The following RBPMS variants were observed in gnomAD, a reference collection of about 807,000 sequenced individuals.
RBPMS encodes the protein RNA-binding protein with multiple splicing.
A neutral mutation model predicts 26.8 loss-of-function variants in RBPMS; 7 were observed. The ratio of observed to expected loss-of-function variants is 0.26; its 90% CI spans 0.15 to 0.49. The LOEUF is 0.49. Among genes scored for constraint, RBPMS ranks in the 20% least tolerant of loss-of-function variants. The probability of loss-of-function intolerance (pLI) is 0.98; values close to 1 mark genes in which losing one functional copy is unlikely to be tolerated. For synonymous variants in RBPMS, 96 were observed against 93.3 expected (o/e 1.03, Z -0.17); for missense variants, 186 against 250.0 (o/e 0.74, Z 1.73).
rs535126237 is a variant in RBPMS at position 30,556,851 on chromosome 8, CT to C, written c.529-2034del. The C allele has an allele frequency of 4.5e-5, 39 of 865,696 alleles. No individual in the cohort carries two copies. The African/African-American group carries it at 6.4e-4, about 14-fold the overall frequency. 53.6% of individuals were successfully genotyped at this position (865,696 alleles called of 1,614,324 possible). A position where few individuals can be genotyped will look rare whatever the true frequency, so the allele number is the denominator to read the frequency against. Reference sequence around the variant, plus strand: ...TGCCCTCCCTCTCCTCCCCTAGACTCTTCTGTCCCCTTCCCTGCCCGCCCCT... The same window carrying C: ...TGCCCTCCCTCTCCTCCCCTAGACTCTCTGTCCCCTTCCCTGCCCGCCCCT... On this transcript the variant is annotated intron_variant, in intron 6 of 8. Transcript: ENST00000397323.
intron 1 of RBPMS, among the ~76,000 whole-genome samples, chr8:30,392,567 T>C (rs1438416572): frequency 1.3e-5 from 2 of 152,118 alleles, no homozygotes; most frequent in South Asian, 2.1e-4. Context: ...CAGGGGGATG[T>C]GGCGAATTTT....
chr8:30,437,545 C>G (rs1812606691), intron 1 of RBPMS, among the ~76,000 whole-genome samples: 1 of 151,892 alleles, frequency 6.6e-6, no homozygotes, highest in African/African-American at 2.4e-5. Flanking sequence ...AATCCCAGCA[C>G]TTCGGGAGGC....
At chr8:30,556,104 A>C in intron 6 of RBPMS, 3 of 985,324 alleles carry the variant, frequency 3.0e-6, no homozygotes, top group Non-Finnish European at 3.6e-6. Flanking sequence ...CGGTGAGAAG[A>C]GCCCCCCACT....
intron 1 of RBPMS, among the ~76,000 whole-genome samples, chr8:30,443,501 G>GT (rs1300763658): frequency 6.6e-6 from 1 of 152,162 alleles, no homozygotes; most frequent in Non-Finnish European, 1.5e-5. Context: ...ATCTTGTAGG[G>GT]TTGTGGTAGG....
intron 5 of RBPMS, among the ~76,000 whole-genome samples, chr8:30,508,367 C>G (rs1323608365): frequency 6.6e-6 from 1 of 152,130 alleles, no homozygotes; most frequent in Non-Finnish European, 1.5e-5. Context: ...AGTGATAGAG[C>G]CTAGACTTAA....
In RBPMS at chr8:30,512,255, T is replaced by C. The variant is rs187835085; in HGVS notation, c.397+7819T>C. The stretch of plus-strand genomic sequence containing the variant: ...TTTATTATTTATTTTTGTTTACTTA[T>C]TTGTTTGTGTATGCTTTTTTGTTTT... On this transcript the variant is annotated intron_variant, in intron 5 of 8. Coordinates refer to ENST00000397323, the MANE Select transcript of RBPMS (RefSeq NM_001008710.3). Among the ~76,000 whole-genome samples the C allele has an allele frequency of 9.7e-4, 148 of 152,222 alleles. 1 individual carries two copies. Among genetic ancestry groups the C allele is most frequent in the Admixed American group, 2.5e-3 (38 of 15,292 alleles).
At chr8:30,437,481 T>TC (rs1238199165) in intron 1 of RBPMS, among the ~76,000 whole-genome samples, 2 of 149,950 alleles carry the variant, frequency 1.3e-5, no homozygotes, top group Admixed American at 1.3e-4. Context: ...ATGGTAAAAC[T>TC]CCATCTCTAC....
chr8:30,434,095 T>C (rs1202356310), intron 1 of RBPMS, among the ~76,000 whole-genome samples: 2 of 148,790 alleles, frequency 1.3e-5, no homozygotes, highest in Admixed American at 1.3e-4. Context: ...CCAGCCTGGG[T>C]AACAGAGCGA....
At chr8:30,512,955 G>A (rs1821876188) in intron 5 of RBPMS, among the ~76,000 whole-genome samples, 2 of 152,136 alleles carry the variant, frequency 1.3e-5, no homozygotes, top group African/African-American at 4.8e-5. Flanking sequence ...AAATGCTACT[G>A]GGTGGGTAGA....
chr8:30,547,166 C>A, intron 6 of RBPMS: 1 of 703,770 alleles, frequency 1.4e-6, no homozygotes, highest in Non-Finnish European at 2.4e-6. Flanking sequence ...GGGCATCTCC[C>A]CATATTGGAG....
chr8:30,489,194 A>C (rs1819111241), intron 4 of RBPMS, among the ~76,000 whole-genome samples: 1 of 151,752 alleles, frequency 6.6e-6, no homozygotes, highest in Non-Finnish European at 1.5e-5. Flanking sequence ...CCACAGACAC[A>C]TGCCACCAGG....
intron 4 of RBPMS, among the ~76,000 whole-genome samples, chr8:30,494,037 G>A (rs1246520884): frequency 6.6e-6 from 1 of 152,162 alleles, no homozygotes; most frequent in East Asian, 1.9e-4. Flanking sequence ...AGATACCTTC[G>A]AAGTATATCT....
In RBPMS at chr8:30,433,705, A is replaced by G. The variant is rs1812168598; in HGVS notation, c.67-41074A>G. Among the ~76,000 whole-genome samples, 2 of 152,092 alleles carry G rather than the reference A, an allele frequency of 1.3e-5. 1 individual carries two copies. Among genetic ancestry groups the G allele is most frequent in the South Asian group, 4.2e-4 (2 of 4,818 alleles). ...AAAAAAGAAAAAGAGGGTGAATTCT[A>G]CCTACCTGGCAGGATCATTGGGATA... On this transcript the variant is annotated intron_variant, in intron 1 of 8. Transcript: ENST00000397323.
intron 6 of RBPMS, chr8:30,556,566 C>T (rs1394147071): frequency 1.0e-6 from 1 of 986,736 alleles, no homozygotes; most frequent in Non-Finnish European, 1.2e-6. Context: ...GGGCTCAGCG[C>T]CCCAACCCAC....
At chr8:30,475,380 G>A (rs774216846) in intron 2 of RBPMS, among the ~76,000 whole-genome samples, 2 of 152,168 alleles carry the variant, frequency 1.3e-5, no homozygotes, top group South Asian at 2.1e-4. Context: ...CAAGCACTTC[G>A]TAGAAACTAA....
chr8:30,512,300 T>C (rs1821802781), intron 5 of RBPMS, among the ~76,000 whole-genome samples: 1 of 152,198 alleles, frequency 6.6e-6, no homozygotes, highest in African/African-American at 2.4e-5. Context: ...TATACATAAA[T>C]ATCTATGCAT....
chr8:30,451,536 C>T (rs1293974685), intron 1 of RBPMS, among the ~76,000 whole-genome samples: 1 of 152,120 alleles, frequency 6.6e-6, no homozygotes, highest in Non-Finnish European at 1.5e-5. Context: ...TCCACTGTCC[C>T]CTGCACCCCA....
At chr8:30,464,085 G>A (rs1227709475) in intron 1 of RBPMS, among the ~76,000 whole-genome samples, 1 of 152,194 alleles carries the variant, frequency 6.6e-6, no homozygotes, top group Non-Finnish European at 1.5e-5. Flanking sequence ...AGCCAAGGAG[G>A]TTGAGGCTGC....
At chr8:30,414,518 G>C (rs1563296062) in intron 1 of RBPMS, among the ~76,000 whole-genome samples, 3 of 152,108 alleles carry the variant, frequency 2.0e-5, no homozygotes, top group African/African-American at 7.2e-5. Flanking sequence ...CCAGACCTTG[G>C]CCAGGAGGCT....
Sources: allele counts gnomAD v4.1 joint callset (sites outside exome capture counted in the v4.1 genomes callset), GRCh38; gene constraint gnomAD v4.1.1; transcripts MANE v1.5; gene names NCBI Gene and HGNC (gene_info 2026-07-23, HGNC 2026-07-21).